Variants in DIAPH3 observed in about 807,000 individuals in gnomAD.
The protein encoded by DIAPH3 is diaphanous related formin 3.
Under a neutral mutation model 144.3 loss-of-function variants are expected in DIAPH3, and 117 were observed. The observed-to-expected ratio is 0.81, with a 90% CI of 0.70 to 0.95. DIAPH3 has a LOEUF of 0.95. DIAPH3 is among the 40% of genes least tolerant of loss of function. DIAPH3 has a pLI of 0.00. For missense variants in DIAPH3, 1,421 were observed against 1,412.7 expected (o/e 1.01, Z -0.09); for synonymous variants, 519 against 488.9 (o/e 1.06, Z -0.81).
At chr13:60,101,652 G>A (rs1228914430) in intron 3 of DIAPH3, among the ~76,000 whole-genome samples, 1 of 152,066 alleles carries the variant, frequency 6.6e-6, no homozygotes, top group African/African-American at 2.4e-5. Flanking sequence ...AGTGTCCTTG[G>A]CTTCCTTGCC....
At chr13:59,846,911 A>C (rs910138332) in intron 22 of DIAPH3, among the ~76,000 whole-genome samples, 38 of 152,212 alleles carry the variant, frequency 2.5e-4, no homozygotes, top group African/African-American at 5.1e-4. Context: ...CCCCATCTCT[A>C]TAAATTTTTT....
intron 27 of DIAPH3, among the ~76,000 whole-genome samples, chr13:59,756,534 G>C (rs1008598966): frequency 5.2e-4 from 76 of 147,160 alleles, no homozygotes; most frequent in Admixed American, 6.9e-4. Context: ...GGCAGGGAGG[G>C]AGGGAGGGAG....
chr13:59,973,888 T>G (rs1412594450), intron 15 of DIAPH3, among the ~76,000 whole-genome samples: 1 of 152,156 alleles, frequency 6.6e-6, no homozygotes, highest in Non-Finnish European at 1.5e-5. Flanking sequence ...CTCTCTTTTT[T>G]GTCATGTTTT....
chr13:59,960,867 T>TG, intron 17 of DIAPH3, among the ~76,000 whole-genome samples: 1 of 151,258 alleles, frequency 6.6e-6, no homozygotes, highest in South Asian at 2.1e-4. Flanking sequence ...AAAAAAGTCA[T>TG]GGAAAAAAAA....
chr13:59,928,799 A>G (rs1420313513), intron 17 of DIAPH3, among the ~76,000 whole-genome samples: 2 of 152,170 alleles, frequency 1.3e-5, no homozygotes, highest in East Asian at 3.9e-4. Flanking sequence ...AGCAGGCCCT[A>G]GTCACATCAG....
At chr13:59,695,189 A>T (rs996071031) in intron 27 of DIAPH3, 1 of 152,190 alleles carries the variant, frequency 6.6e-6, no homozygotes, top group African/African-American at 2.4e-5. Context: ...CCATCCCATT[A>T]AAGGCCCACT....
intron 25 of DIAPH3, among the ~76,000 whole-genome samples, chr13:59,792,919 C>T (rs2039399969): frequency 2.0e-5 from 3 of 152,150 alleles, no homozygotes; most frequent in African/African-American, 7.2e-5. Context: ...TACATATGTG[C>T]AACTGCTACC....
intron 1 of DIAPH3, among the ~76,000 whole-genome samples, chr13:60,145,041 G>C (rs965471524): frequency 1.8e-4 from 28 of 152,092 alleles, no homozygotes; most frequent in Non-Finnish European, 2.6e-4. Flanking sequence ...ACACCTTACT[G>C]GACACTTTGC....
intron 2 of DIAPH3, among the ~76,000 whole-genome samples, chr13:60,123,190 T>C (rs1164543504): frequency 6.6e-6 from 1 of 152,146 alleles, no homozygotes; most frequent in African/African-American, 2.4e-5. Flanking sequence ...AGCTGAAAAG[T>C]CACCTTCACA....
chr13:60,066,583 T>C (rs1031494916), intron 4 of DIAPH3, among the ~76,000 whole-genome samples: 1 of 152,250 alleles, frequency 6.6e-6, no homozygotes, highest in African/African-American at 2.4e-5. Flanking sequence ...GAAGGATATA[T>C]TGTGCTAGAC....
chr13:59,897,036 A>G (rs2046143242), intron 20 of DIAPH3, among the ~76,000 whole-genome samples: 1 of 152,216 alleles, frequency 6.6e-6, no homozygotes, highest in Non-Finnish European at 1.5e-5. Flanking sequence ...TGGAAGGTAA[A>G]AATTGCTCAA....
At chr13:59,904,824 T>C (rs986123680) in intron 20 of DIAPH3, among the ~76,000 whole-genome samples, 5 of 151,866 alleles carry the variant, frequency 3.3e-5, no homozygotes, top group African/African-American at 1.2e-4. Flanking sequence ...ATAGAACATA[T>C]AAGGAGCTCT....
At chr13:59,724,843 C>T (rs567288235) in intron 27 of DIAPH3, among the ~76,000 whole-genome samples, 1 of 152,096 alleles carries the variant, frequency 6.6e-6, no homozygotes, top group Non-Finnish European at 1.5e-5. Flanking sequence ...TCTATAAGTT[C>T]AAAATTTGGC....
At chr13:59,710,090 T>G (rs936868015) in intron 27 of DIAPH3, among the ~76,000 whole-genome samples, 1 of 151,314 alleles carries the variant, frequency 6.6e-6, no homozygotes, top group African/African-American at 2.4e-5. Context: ...CTCTGGGGAC[T>G]GTTGTGGGGT....
At chr13:59,894,513 T>C (rs1158382331) in intron 20 of DIAPH3, among the ~76,000 whole-genome samples, 3 of 149,436 alleles carry the variant, frequency 2.0e-5, no homozygotes, top group South Asian at 2.1e-4. Context: ...ACAGCAGACA[T>C]AGTCCTTCCC....
chr13:60,090,370 GC>G (rs1027022697), intron 4 of DIAPH3, among the ~76,000 whole-genome samples: 3 of 150,910 alleles, frequency 2.0e-5, no homozygotes, highest in Non-Finnish European at 1.5e-5. Flanking sequence ...TTGATTGGTG[GC>G]TTTTTTTTTT....
At chr13:60,152,487 GAT>G (rs144792127) in intron 1 of DIAPH3, among the ~76,000 whole-genome samples, 78 of 139,818 alleles carry the variant, frequency 5.6e-4, no homozygotes, top group East Asian at 2.7e-3. Flanking sequence ...TTTAGGGAAA[GAT>G]ATATATATAT....
chr13:59,745,699 G>A (rs2036667111), intron 27 of DIAPH3, among the ~76,000 whole-genome samples: 2 of 152,316 alleles, frequency 1.3e-5, no homozygotes, highest in South Asian at 4.1e-4. Flanking sequence ...GCAGACTGGA[G>A]AGGAGCAGCC....
At chr13:60,105,099 C>CAAAAAAAAAAAAAAAAAAAAAAA (rs60853102) in intron 3 of DIAPH3, among the ~76,000 whole-genome samples, 10 of 41,824 alleles carry the variant, frequency 2.4e-4, no homozygotes, top group East Asian at 6.9e-4. Context: ...GACACGATCT[C>CAAAAAAAAAAAAAAAAAAAAAAA]AAAAAAAAAA....
Sources: allele counts gnomAD v4.1 joint callset (sites outside exome capture counted in the v4.1 genomes callset), GRCh38; gene constraint gnomAD v4.1.1; transcripts MANE v1.5; gene names NCBI Gene and HGNC (gene_info 2026-07-23, HGNC 2026-07-21).